Variants in PKHD1L1 observed in about 807,000 individuals in gnomAD.
PKHD1L1 encodes fibrocystin-L.
PKHD1L1 carries 434 observed loss-of-function variants against 462.9 expected under a neutral mutation model. The ratio of observed to expected loss-of-function variants is 0.94; its 90% CI spans 0.87 to 1.02. The LOEUF is 1.02. Ranked by LOEUF, PKHD1L1 falls within the 50% of genes least tolerant of loss-of-function variation. The probability of loss-of-function intolerance (pLI) is 0.00; values close to 1 mark genes in which losing one functional copy is unlikely to be tolerated. For synonymous variants in PKHD1L1, 1,781 were observed against 1,750.0 expected, an observed-to-expected ratio of 1.02 and a Z score of -0.44; for missense variants, 5,202 against 5,096.1, an observed-to-expected ratio of 1.02 and a Z score of -0.63.
intron 70 of PKHD1L1, among the ~76,000 whole-genome samples, chr8:109,509,831 A>G (rs992520927): frequency 6.6e-6 from 1 of 152,116 alleles, no homozygotes; most frequent in East Asian, 1.9e-4. Context: ...AGGTGTAGTT[A>G]TAAATATTGA....
intron 30 of PKHD1L1, among the ~76,000 whole-genome samples, chr8:109,437,573 G>A (rs1815500935): frequency 2.8e-5 from 4 of 144,952 alleles, no homozygotes. Context: ...CTGAGACTCT[G>A]GTTTCCTTAT....
rs905477249 is a variant in PKHD1L1 at position 109,535,983 on chromosome 8, G to T, written c.*5893G>T. Among the ~76,000 whole-genome samples, 668 of 152,158 alleles carry T rather than the reference G, an allele frequency of 4.4e-3. 17 individuals carry two copies. Among genetic ancestry groups the T allele is most frequent in the Admixed American group, 0.042 (640 of 15,282 alleles). ...ATGCCTTTAAAACAAAGGGAACAAA[G>T]AAGGGAACAAAGAAGGTAGAAGCGG... On this transcript the variant is annotated 3_prime_UTR_variant, in exon 78 of 78. Coordinates refer to ENST00000378402, the MANE Select transcript of PKHD1L1 (RefSeq NM_177531.6).
intron 3 of PKHD1L1, among the ~76,000 whole-genome samples, chr8:109,382,164 T>G (rs1425429310): frequency 2.0e-5 from 3 of 151,594 alleles, no homozygotes; most frequent in Non-Finnish European, 4.4e-5. Flanking sequence ...GATATGTTAC[T>G]ATTTTAAATG....
intron 2 of PKHD1L1, among the ~76,000 whole-genome samples, chr8:109,373,151 G>A (rs1161656026): frequency 1.4e-4 from 21 of 152,106 alleles, no homozygotes; most frequent in Admixed American, 1.4e-3. Context: ...TTTTTGGTTG[G>A]TAAGCTATTA....
At chr8:109,480,650 C>T (rs1343699317) in intron 55 of PKHD1L1, 2 of 453,356 alleles carry the variant, frequency 4.4e-6, no homozygotes, top group Admixed American at 2.4e-5. Context: ...GCTTAATCAG[C>T]TCGATTGTCC....
chr8:109,488,768 T>C (rs561927785), intron 59 of PKHD1L1, among the ~76,000 whole-genome samples: 2 of 152,126 alleles, frequency 1.3e-5, no homozygotes, highest in African/African-American at 4.8e-5. Flanking sequence ...CTGATAATGA[T>C]GGTGATGGTA....
chr8:109,383,955 A>G (rs542836290), intron 4 of PKHD1L1, 115 bp from the exon 5 acceptor site: 3 of 759,326 alleles, frequency 4.0e-6, no homozygotes, highest in African/African-American at 1.8e-5. Flanking sequence ...TCTTTCCTAC[A>G]TGACAGTTAC....
At chr8:109,380,322 T>C (rs1812047329) in intron 2 of PKHD1L1, among the ~76,000 whole-genome samples, 1 of 152,166 alleles carries the variant, frequency 6.6e-6, no homozygotes, top group Non-Finnish European at 1.5e-5. Context: ...TAGCTATGTG[T>C]TGTATAGTGG....
chr8:109,482,923 T>C (rs1818340718), intron 56 of PKHD1L1, 64 bp from the exon 57 acceptor site: 1 of 951,552 alleles, frequency 1.1e-6, no homozygotes, highest in South Asian at 2.4e-5. Context: ...ACATTTTCAT[T>C]TTATACTAGC....
intron 9 of PKHD1L1, among the ~76,000 whole-genome samples, chr8:109,391,131 A>T (rs1812692088): frequency 6.6e-6 from 1 of 152,136 alleles, no homozygotes; most frequent in Admixed American, 6.6e-5. Context: ...CAGGCATGGT[A>T]TTAAGCACTT....
rs1220175704 is a variant in PKHD1L1, at chr8:109,530,955, C to T, written c.*865C>T. ...TTTCAAGAAGATAAATTAGAGAATG[C>T]AAAAAAGCTACAGACTAAGGTAGCT... On this transcript the variant is annotated 3_prime_UTR_variant, in exon 78 of 78. Coordinates refer to ENST00000378402, the MANE Select transcript of PKHD1L1 (RefSeq NM_177531.6). Among the ~76,000 whole-genome samples, 1 of 152,068 alleles carries T rather than the reference C, an allele frequency of 6.6e-6. No individual in the cohort carries two copies. Among genetic ancestry groups the T allele is most frequent in the African/African-American group, 2.4e-5 (1 of 41,400 alleles).
In PKHD1L1 at chr8:109,490,045, A is replaced by G. The variant is rs1818752830; in HGVS notation, c.9974A>G (p.Asn3325Ser). Residue 3325 changes from asparagine (N) to serine (S), a missense_variant, in exon 60 of 78, where the codon AAC (asparagine) becomes AGC (serine). Asn to Ser is a conservative substitution (Grantham distance 46). Coordinates refer to ENST00000378402, the MANE Select transcript of PKHD1L1 (RefSeq NM_177531.6). ...TDPRYAVTFL[N>S]LGQIQEHGSS... is the part of the protein sequence containing the mutation. ...CCAAGATATGCTGTAACGTTTCTTA[A>G]CCTAGGACAGGTTTGTGCTTTATTT... is the stretch of plus-strand genomic sequence containing the variant. 6.3e-7 allele frequency: 1 copy of G among 1,592,966 alleles called. No individual in the cohort carries two copies.
rs567132576 is a variant in PKHD1L1 at position 109,397,874 on chromosome 8, A to T, written c.923-585A>T. Among the ~76,000 whole-genome samples, 15 of 152,332 alleles carry T rather than the reference A, an allele frequency of 9.8e-5. No homozygotes were observed. In the East Asian group the frequency reaches 2.5e-3, roughly 25 times the overall value. ...CCATATGTGAGGCATTGTGAGGAACACATGGAGGTTTAAAACATAGACTCT... is the reference window on the plus strand; with the variant it reads ...CCATATGTGAGGCATTGTGAGGAACTCATGGAGGTTTAAAACATAGACTCT... On this transcript the variant is annotated intron_variant, in intron 11 of 77. Coordinates refer to ENST00000378402, the MANE Select transcript of PKHD1L1 (RefSeq NM_177531.6).
rs936657142 is a variant in PKHD1L1 at position 109,527,120 on chromosome 8, T to C, written c.12721+100T>C. 1.3e-4 allele frequency: 129 copies of C among 1,025,004 alleles called. No individual in the cohort carries two copies. In the African/African-American group the frequency reaches 2.0e-3, roughly 16 times the overall value. 63.5% of individuals were successfully genotyped at this position (1,025,004 alleles called of 1,614,324 possible). On this transcript the variant is annotated intron_variant, in intron 77 of 77. Transcript: ENST00000378402. ...ACAGCTCTTGTGCATGATATCACTGTGTGCACAAAGAGAAAGTAACAGCCT... is the reference window on the plus strand; with the variant it reads ...ACAGCTCTTGTGCATGATATCACTGCGTGCACAAAGAGAAAGTAACAGCCT...
Position 109,406,246 on chromosome 8 carries a change from T to C in PKHD1L1, c.1670-89T>C, listed in dbSNP as rs184800624. ...ACAGAGTATAGGTGCTTTAAAAATATAAATACGAGACATCAGTGTTGGCTG... is the reference window on the plus strand; with the variant it reads ...ACAGAGTATAGGTGCTTTAAAAATACAAATACGAGACATCAGTGTTGGCTG... On this transcript the variant is annotated intron_variant, in intron 16 of 77. Transcript: ENST00000378402. 4.5e-4 allele frequency: 590 copies of C among 1,300,908 alleles called. 5 individuals carry two copies. The African/African-American group carries it at 7.7e-3, about 17-fold the overall frequency. The allele number at this position is 1,300,908 out of a possible 1,614,324, so 80.6% of individuals were successfully genotyped here. A position where few individuals can be genotyped will look rare whatever the true frequency, so the allele number is the denominator to read the frequency against.
Position 109,409,947 on chromosome 8 carries a change from A to G in PKHD1L1, c.2054A>G (p.Tyr685Cys). 1 of 1,599,294 alleles carries G rather than the reference A, an allele frequency of 6.3e-7. No individual in the cohort carries two copies. The highest frequency in any genetic ancestry group is 8.5e-7 in the Non-Finnish European group (1 of 1,171,948). ...ANFEEGFVVK[Y>C]FRDYETDFNL... is the part of the protein sequence containing the mutation. ...TTTGAAGAAGGATTTGTTGTGAAAT[A>G]TTTCAGAGACTATGAAACTGATTTT... Residue 685 changes from tyrosine (Y) to cysteine (C), a missense_variant, in exon 19 of 78, where the codon TAT becomes TGT. Tyr to Cys is a radical substitution (Grantham distance 194). Coordinates refer to ENST00000378402, the MANE Select transcript of PKHD1L1 (RefSeq NM_177531.6).
chr8:109,480,339 A>G (rs1373801116), intron 55 of PKHD1L1, among the ~76,000 whole-genome samples, 200 bp downstream of exon 55: 1 of 152,066 alleles, frequency 6.6e-6, no homozygotes, highest in Non-Finnish European at 1.5e-5. Context: ...TCTTAGGAGT[A>G]GTTACTATAG....
chr8:109,503,144 G>C (rs1197003777), intron 67 of PKHD1L1, among the ~76,000 whole-genome samples: 1 of 151,830 alleles, frequency 6.6e-6, no homozygotes, highest in African/African-American at 2.4e-5. Flanking sequence ...TATCTCTACT[G>C]AAAAAATACA....
At chr8:109,368,428 A>G (rs1479824805) in intron 2 of PKHD1L1, among the ~76,000 whole-genome samples, 1 of 152,152 alleles carries the variant, frequency 6.6e-6, no homozygotes, top group Non-Finnish European at 1.5e-5. Flanking sequence ...ATTAATTCCT[A>G]CCTCTTGGGA....
Sources: gnomAD v4.1 joint callset for allele counts (sites outside exome capture counted in the v4.1 genomes callset) on GRCh38, gnomAD v4.1.1 for gene constraint, MANE v1.5 for transcripts, NCBI Gene and HGNC (gene_info 2026-07-23, HGNC 2026-07-21) for gene names.